The following EFCAB11 variants were observed in gnomAD, a reference collection of about 807,000 sequenced individuals.
The protein encoded by EFCAB11 is EF-hand calcium-binding domain-containing protein 11.
In EFCAB11, 14 loss-of-function variants were observed where a neutral mutation model predicts 23.0. That is an observed-to-expected ratio of 0.61 (90% CI 0.40 to 0.95). EFCAB11 has a LOEUF of 0.95. Among genes scored for constraint, EFCAB11 ranks in the 40% least tolerant of loss-of-function variants. The probability of loss-of-function intolerance (pLI) is 0.00; values close to 1 mark genes in which losing one functional copy is unlikely to be tolerated. For missense variants in EFCAB11, 198 were observed against 195.8 expected, an observed-to-expected ratio of 1.01 and a Z score of -0.07; for synonymous variants, 65 against 66.6, an observed-to-expected ratio of 0.98 and a Z score of 0.11.
chr14:89,808,645 T>C (rs1218099474), intron 5 of EFCAB11, among the ~76,000 whole-genome samples: 1 of 152,232 alleles, frequency 6.6e-6, no homozygotes, highest in East Asian at 1.9e-4. Flanking sequence ...TCCTAGCATT[T>C]AAAACCTCTG....
chr14:89,876,638 G>A (rs575306221), intron 5 of EFCAB11, among the ~76,000 whole-genome samples: 2 of 152,098 alleles, frequency 1.3e-5, no homozygotes, highest in Non-Finnish European at 2.9e-5. Flanking sequence ...AAAAGAGGGG[G>A]GAAAGTAAAT....
chr14:89,834,008 T>G (rs1207667022), intron 5 of EFCAB11, among the ~76,000 whole-genome samples: 1 of 152,136 alleles, frequency 6.6e-6, no homozygotes, highest in Non-Finnish European at 1.5e-5. Context: ...CTCAGTGGAC[T>G]CCAGTTGCAA....
chr14:89,813,976 G>GACTA (rs1293394753), intron 5 of EFCAB11, among the ~76,000 whole-genome samples: 3 of 151,806 alleles, frequency 2.0e-5, no homozygotes, highest in Non-Finnish European at 4.4e-5. Flanking sequence ...CTCTTTCAGT[G>GACTA]ACTACATGGT....
rs774916889 is a variant in EFCAB11, at chr14:89,954,676, C to T, written c.-16G>A. 2 of 1,608,136 alleles carry T rather than the reference C, an allele frequency of 1.2e-6. No homozygotes were observed. The highest frequency in any genetic ancestry group is 1.7e-6 in the Non-Finnish European group (2 of 1,178,802). Reference sequence around the variant, plus strand: ...AGAAGAACATCGCGACTACAACAACCGAGCCCCAGCAACCCAACCAGCTAC... The same window carrying T: ...AGAAGAACATCGCGACTACAACAACTGAGCCCCAGCAACCCAACCAGCTAC... On this transcript the variant is annotated 5_prime_UTR_variant, in exon 1 of 6. Transcript: ENST00000316738.
At chr14:89,842,315 G>A (rs901566098) in intron 5 of EFCAB11, among the ~76,000 whole-genome samples, 2 of 152,206 alleles carry the variant, frequency 1.3e-5, no homozygotes, top group African/African-American at 4.8e-5. Context: ...TGGGCGGGGC[G>A]TGGTGGCTCA....
At chr14:89,914,998 T>C (rs1161459926) in intron 5 of EFCAB11, among the ~76,000 whole-genome samples, 2 of 151,794 alleles carry the variant, frequency 1.3e-5, no homozygotes, top group Non-Finnish European at 1.5e-5. Flanking sequence ...AAAAAAGCAA[T>C]GTTCCTGCTG....
rs1885560681 is a variant in EFCAB11 at position 89,795,858 on chromosome 14, G to A, written c.*1385C>T. ...ATGCATTCCGTACACTTATAAATAA[G>A]AGTACTGATACCAGTATTTTGGAAT... On this transcript the variant is annotated 3_prime_UTR_variant, in exon 6 of 6. Coordinates refer to ENST00000316738, the MANE Select transcript of EFCAB11 (RefSeq NM_145231.4). 2 of 152,182 alleles carry A rather than the reference G, an allele frequency of 1.3e-5. No individual in the cohort carries two copies. Among genetic ancestry groups the A allele is most frequent in the African/African-American group, 2.4e-5 (1 of 41,442 alleles). The allele number at this position is 152,182 out of a possible 1,614,324, so 9.4% of individuals were successfully genotyped here. A position where few individuals can be genotyped will look rare whatever the true frequency, so the allele number is the denominator to read the frequency against.
At chr14:89,926,225 T>C (rs962039353) in intron 5 of EFCAB11, among the ~76,000 whole-genome samples, 1 of 152,256 alleles carries the variant, frequency 6.6e-6, no homozygotes, top group Non-Finnish European at 1.5e-5. Flanking sequence ...TTGAATTTTG[T>C]ATATGAGATA....
At chr14:89,844,752 A>C (rs1300603193) in intron 5 of EFCAB11, among the ~76,000 whole-genome samples, 1 of 152,210 alleles carries the variant, frequency 6.6e-6, no homozygotes, top group Non-Finnish European at 1.5e-5. Context: ...GGCCTTAACA[A>C]AGTCCTGGTT....
At chr14:89,825,065 G>A (rs982364128) in intron 5 of EFCAB11, among the ~76,000 whole-genome samples, 1 of 140,910 alleles carries the variant, frequency 7.1e-6, no homozygotes, top group African/African-American at 2.7e-5. Flanking sequence ...TTCCGTTCAA[G>A]TGCTCATGGA....
intron 5 of EFCAB11, among the ~76,000 whole-genome samples, chr14:89,909,700 A>T (rs1240491027): frequency 6.6e-6 from 1 of 152,176 alleles, no homozygotes; most frequent in Non-Finnish European, 1.5e-5. Flanking sequence ...GGCACTGCCT[A>T]TCTCTCCAGT....
intron 5 of EFCAB11, among the ~76,000 whole-genome samples, chr14:89,845,868 C>T (rs1441546609): frequency 6.6e-6 from 1 of 152,158 alleles, no homozygotes; most frequent in Non-Finnish European, 1.5e-5. Flanking sequence ...CTGCTTTCCT[C>T]TTCCTTCACA....
At chr14:89,828,366 C>T (rs1407396206) in intron 5 of EFCAB11, among the ~76,000 whole-genome samples, 1 of 151,772 alleles carries the variant, frequency 6.6e-6, no homozygotes, top group African/African-American at 2.4e-5. Flanking sequence ...TTATTTTCAC[C>T]CTCAATTTAT....
rs185918344 is a variant in EFCAB11, at chr14:89,880,095, G to A, written c.410+51446C>T. ...TTCTTAGTATTTACTGTATGACTCGGCTATGTTCTGAACATTTGTGTCTCC... is the reference window on the plus strand; with the variant it reads ...TTCTTAGTATTTACTGTATGACTCGACTATGTTCTGAACATTTGTGTCTCC... On this transcript the variant is annotated intron_variant, in intron 5 of 5. Transcript: ENST00000316738. 2.1e-3 allele frequency among the ~76,000 whole-genome samples: 315 copies of A among 152,204 alleles called. 1 individual carries two copies. The highest frequency in any genetic ancestry group is 7.2e-3 in the African/African-American group (299 of 41,518).
At chr14:89,871,712 T>C (rs1888275428) in intron 5 of EFCAB11, among the ~76,000 whole-genome samples, 1 of 152,200 alleles carries the variant, frequency 6.6e-6, no homozygotes, top group Non-Finnish European at 1.5e-5. Context: ...AAGTCCATCA[T>C]ATTCCCTGCA....
chr14:89,821,417 A>G (rs1886514023), intron 5 of EFCAB11, among the ~76,000 whole-genome samples: 1 of 152,168 alleles, frequency 6.6e-6, no homozygotes, highest in Admixed American at 6.5e-5. Flanking sequence ...CCCCTTATGT[A>G]TATAAATCCT....
intron 5 of EFCAB11, among the ~76,000 whole-genome samples, chr14:89,803,400 G>C (rs145439346): frequency 1.3e-3 from 203 of 152,324 alleles, no homozygotes; most frequent in African/African-American, 4.6e-3. Flanking sequence ...GCGTGTGCCA[G>C]ACATATCTGT....
intron 5 of EFCAB11, among the ~76,000 whole-genome samples, chr14:89,875,037 A>G (rs1452847614): frequency 6.6e-6 from 1 of 152,222 alleles, no homozygotes; most frequent in African/African-American, 2.4e-5. Flanking sequence ...AGTGTAGTGC[A>G]CATGCAGCCG....
At chr14:89,893,012 C>T (rs1418867372) in intron 5 of EFCAB11, among the ~76,000 whole-genome samples, 2 of 152,206 alleles carry the variant, frequency 1.3e-5, no homozygotes, top group Admixed American at 6.5e-5. Flanking sequence ...AAGATCCCAC[C>T]TTGCAGGGAG....
Sources: allele counts gnomAD v4.1 joint callset (sites outside exome capture counted in the v4.1 genomes callset), GRCh38; gene constraint gnomAD v4.1.1; transcripts MANE v1.5; gene names NCBI Gene and HGNC (gene_info 2026-07-23, HGNC 2026-07-21).